The following ITGB6 variants were observed in gnomAD, a reference collection of about 807,000 sequenced individuals.
The protein encoded by ITGB6 is integrin subunit beta 6, also known as integrin beta-6.
In ITGB6, 80 loss-of-function variants were observed where a neutral mutation model predicts 84.5. The observed-to-expected ratio is 0.95, with a 90% confidence interval of 0.79 to 1.14. The LOEUF is 1.14. Among genes scored for constraint, ITGB6 ranks in the 50% most tolerant of loss-of-function variants. The pLI is 0.00. For missense variants in ITGB6, 1,006 were observed against 968.0 expected, an observed-to-expected ratio of 1.04 and a Z score of -0.52; for synonymous variants, 383 against 354.9, an observed-to-expected ratio of 1.08 and a Z score of -0.89.
chr2:160,172,346 G>A (rs565380477), intron 6 of ITGB6, among the ~76,000 whole-genome samples: 1 of 152,256 alleles, frequency 6.6e-6, no homozygotes, highest in East Asian at 1.9e-4. Context: ...GGGATCATGG[G>A]ATTCATAGCA....
intron 4 of ITGB6, among the ~76,000 whole-genome samples, chr2:160,191,476 A>AT (rs1553489057): frequency 2.0e-5 from 3 of 152,156 alleles, no homozygotes; most frequent in South Asian, 2.1e-4. Flanking sequence ...ACCATTTATA[A>AT]TTTTTTTAAA....
chr2:160,155,591 C>T (rs1372961866), intron 7 of ITGB6, among the ~76,000 whole-genome samples: 2 of 152,078 alleles, frequency 1.3e-5, no homozygotes, highest in Admixed American at 6.6e-5. Flanking sequence ...ATACCCTCTA[C>T]TCAATTTGCT....
At position 160,154,491 on chromosome 2, in the gene ITGB6, G is replaced by A. The variant is rs530271612; in HGVS notation, c.1018-12420C>T. On this transcript the variant is annotated intron_variant, in intron 7 of 14. Transcript: ENST00000283249. ...GAGAAATACCTAATGTAAATGATGA[G>A]TTGATGGGTGCAGCACACCAACATG... is the stretch of plus-strand genomic sequence containing the variant. Among the ~76,000 whole-genome samples, 9 of 152,254 alleles carry A rather than the reference G, an allele frequency of 5.9e-5. No individual in the cohort carries two copies. In the East Asian group the frequency reaches 1.7e-3, roughly 29 times the overall value.
chr2:160,189,745 C>T (rs1389919909), intron 4 of ITGB6, among the ~76,000 whole-genome samples: 2 of 152,048 alleles, frequency 1.3e-5, no homozygotes, highest in Non-Finnish European at 2.9e-5. Flanking sequence ...AACACTTTTA[C>T]ACTGTTGGTG....
intron 7 of ITGB6, among the ~76,000 whole-genome samples, chr2:160,156,749 A>G (rs1684637321): frequency 6.6e-6 from 1 of 152,174 alleles, no homozygotes; most frequent in Non-Finnish European, 1.5e-5. Flanking sequence ...TCCTGATGTC[A>G]TCCAGCCAGG....
intron 4 of ITGB6, among the ~76,000 whole-genome samples, chr2:160,175,737 G>C (rs1345571394): frequency 6.6e-6 from 1 of 152,220 alleles, no homozygotes; most frequent in Non-Finnish European, 1.5e-5. Flanking sequence ...ATAATTCAAT[G>C]AGATCTATTA....
At chr2:160,148,872 G>T (rs1684296134) in intron 7 of ITGB6, among the ~76,000 whole-genome samples, 1 of 152,234 alleles carries the variant, frequency 6.6e-6, no homozygotes, top group Non-Finnish European at 1.5e-5. Context: ...AGATCGATCT[G>T]CGAGACAGCA....
chr2:160,137,027 T>C (rs1405417016), intron 10 of ITGB6, among the ~76,000 whole-genome samples: 2 of 147,160 alleles, frequency 1.4e-5, no homozygotes, highest in East Asian at 4.0e-4. Context: ...ATTGTGCACA[T>C]GTACCCTAAA....
chr2:160,148,834 C>G (rs922629136), intron 7 of ITGB6, among the ~76,000 whole-genome samples: 3 of 152,214 alleles, frequency 2.0e-5, no homozygotes, highest in Non-Finnish European at 2.9e-5. Flanking sequence ...ACCCACGGAG[C>G]CTTGCTCACT....
intron 4 of ITGB6, among the ~76,000 whole-genome samples, chr2:160,177,142 G>A (rs902064793): frequency 6.6e-6 from 1 of 151,858 alleles, no homozygotes; most frequent in African/African-American, 2.4e-5. Flanking sequence ...AATGGCATTT[G>A]TTAGTTTTAA....
At chr2:160,149,450 G>A (rs938796406) in intron 7 of ITGB6, among the ~76,000 whole-genome samples, 4 of 152,302 alleles carry the variant, frequency 2.6e-5, no homozygotes, top group African/African-American at 7.2e-5. Context: ...CCATCTGTAG[G>A]ACACCAACAT....
chr2:160,129,744 A>G (rs1683386974), intron 10 of ITGB6, among the ~76,000 whole-genome samples: 1 of 152,200 alleles, frequency 6.6e-6, no homozygotes, highest in African/African-American at 2.4e-5. Context: ...ACTTTGGTCT[A>G]GTAAGTGGCT....
intron 7 of ITGB6, among the ~76,000 whole-genome samples, chr2:160,152,059 T>C (rs925299870): frequency 6.6e-6 from 1 of 152,092 alleles, no homozygotes; most frequent in African/African-American, 2.4e-5. Context: ...ACTATTCCAA[T>C]CAATAGAAAA....
intron 12 of ITGB6, among the ~76,000 whole-genome samples, chr2:160,113,139 T>A (rs1197988085): frequency 6.6e-6 from 1 of 152,174 alleles, no homozygotes; most frequent in Non-Finnish European, 1.5e-5. Flanking sequence ...AGGACATAGG[T>A]CCAAAATTAG....
At chr2:160,145,699 C>T (rs1221465292) in intron 7 of ITGB6, among the ~76,000 whole-genome samples, 1 of 152,144 alleles carries the variant, frequency 6.6e-6, no homozygotes, top group Non-Finnish European at 1.5e-5. Context: ...CTGCTTGGCT[C>T]AGGGCAGAGG....
intron 4 of ITGB6, among the ~76,000 whole-genome samples, chr2:160,188,777 T>C (rs1559225872): frequency 6.6e-6 from 1 of 152,018 alleles, no homozygotes; most frequent in Non-Finnish European, 1.5e-5. Flanking sequence ...CTAATTTTTT[T>C]GTATTTTTAG....
chr2:160,101,057 GGTT>G lies in ITGB6; in HGVS notation c.*676_*678del, dbSNP rs1476011363. On this transcript the variant is annotated 3_prime_UTR_variant, in exon 15 of 15. Transcript: ENST00000283249. Reference sequence around the variant, plus strand: ...AATTTAAAAATAAGCTATATGATAGGGTTGTTATCTTTTTATTTTTATAGGTAA... The same window carrying G: ...AATTTAAAAATAAGCTATATGATAGGGTTATCTTTTTATTTTTATAGGTAA... 2 of 151,416 alleles carry G rather than the reference GGTT, an allele frequency of 1.3e-5. No individual in the cohort carries two copies. The highest frequency in any genetic ancestry group is 4.9e-5 in the African/African-American group (2 of 41,194). The allele number at this position is 151,416 out of a possible 1,614,324, so 9.4% of individuals were successfully genotyped here. A position where few individuals can be genotyped will look rare whatever the true frequency, so the allele number is the denominator to read the frequency against.
chr2:160,130,497 G>A (rs1253403821), intron 10 of ITGB6, among the ~76,000 whole-genome samples: 2 of 152,036 alleles, frequency 1.3e-5, no homozygotes, highest in Non-Finnish European at 2.9e-5. Context: ...ATTTATATGA[G>A]TTTCACACCA....
intron 7 of ITGB6, among the ~76,000 whole-genome samples, chr2:160,147,548 T>C (rs2105832812): frequency 6.6e-6 from 1 of 152,158 alleles, no homozygotes; most frequent in African/African-American, 2.4e-5. Context: ...ATGAACAAAG[T>C]TGGAGGATTG....
Sources: gnomAD v4.1 joint callset for allele counts (sites outside exome capture counted in the v4.1 genomes callset) on GRCh38, gnomAD v4.1.1 for gene constraint, MANE v1.5 for transcripts, NCBI Gene and HGNC (gene_info 2026-07-23, HGNC 2026-07-21) for gene names.